FHIT: variants seen among roughly 807,000 people sequenced by gnomAD.
FHIT encodes the protein bis(5'-adenosyl)-triphosphatase.
Under a neutral mutation model 17.9 loss-of-function variants are expected in FHIT, and 19 were observed. The ratio of observed to expected loss-of-function variants is 1.06; its 90% CI spans 0.74 to 1.56. The LOEUF is 1.56. FHIT is among the 40% of genes most tolerant of loss of function. The pLI, the probability that FHIT is intolerant of heterozygous loss-of-function variation, is 0.00. For missense variants in FHIT, 248 were observed against 189.2 expected, an observed-to-expected ratio of 1.31 and a Z score of -1.82; for synonymous variants, 81 against 69.7, an observed-to-expected ratio of 1.16 and a Z score of -0.81.
At chr3:61,233,159 C>T (rs183104295) in intron 1 of FHIT, among the ~76,000 whole-genome samples, 20 of 152,200 alleles carry the variant, frequency 1.3e-4, no homozygotes, top group African/African-American at 4.6e-4. Flanking sequence ...TGGTATACAT[C>T]CAGGTCCTTA....
At chr3:60,963,777 T>C (rs145049805) in intron 3 of FHIT, among the ~76,000 whole-genome samples, 7,356 of 152,328 alleles carry the variant, frequency 0.048, 228 homozygotes, top group South Asian at 0.069. Flanking sequence ...CTTGTTTGAT[T>C]GCACTGTGGT....
chr3:60,779,430 C>A (rs1700310070), intron 4 of FHIT, among the ~76,000 whole-genome samples: 1 of 152,128 alleles, frequency 6.6e-6, no homozygotes, highest in Non-Finnish European at 1.5e-5. Context: ...AATTATCCTG[C>A]AAACCCTGCC....
intron 4 of FHIT, among the ~76,000 whole-genome samples, chr3:60,591,615 C>G (rs2038087098): frequency 6.6e-6 from 1 of 152,038 alleles, no homozygotes; most frequent in Admixed American, 6.6e-5. Flanking sequence ...ATTCATCAGG[C>G]CCTCCCCATG....
chr3:60,490,609 A>T (rs570936079), intron 5 of FHIT, among the ~76,000 whole-genome samples: 2 of 151,878 alleles, frequency 1.3e-5, no homozygotes, highest in African/African-American at 4.8e-5. Flanking sequence ...GATAAACTAT[A>T]TCCAAAGCAG....
chr3:60,277,302 G>GT (rs1707193058), intron 5 of FHIT, among the ~76,000 whole-genome samples: 2 of 152,066 alleles, frequency 1.3e-5, no homozygotes. Context: ...GGAGTCCTCC[G>GT]TAAGGTTTTC....
intron 8 of FHIT, among the ~76,000 whole-genome samples, chr3:59,791,863 C>T (rs952591287): frequency 3.3e-5 from 5 of 152,054 alleles, no homozygotes; most frequent in African/African-American, 7.3e-5. Flanking sequence ...AAAGTAGGGG[C>T]GCCAAGGTCA....
At chr3:59,994,770 G>A (rs956506522) in intron 7 of FHIT, among the ~76,000 whole-genome samples, 2 of 152,030 alleles carry the variant, frequency 1.3e-5, no homozygotes, top group African/African-American at 4.8e-5. Context: ...ATAAGACATG[G>A]CATTTCAGGT....
chr3:61,043,068 T>C (rs1224777263), intron 2 of FHIT, among the ~76,000 whole-genome samples: 1 of 152,138 alleles, frequency 6.6e-6, no homozygotes, highest in Non-Finnish European at 1.5e-5. Context: ...GATTTCTGCA[T>C]TTCCAACTGA....
intron 5 of FHIT, among the ~76,000 whole-genome samples, chr3:60,103,510 A>G (rs777899202): frequency 1.3e-5 from 2 of 152,164 alleles, no homozygotes; most frequent in Non-Finnish European, 2.9e-5. Context: ...TAGGGAAAAT[A>G]ATTTCTATGG....
intron 5 of FHIT, among the ~76,000 whole-genome samples, chr3:60,460,519 C>T (rs983896200): frequency 3.6e-4 from 55 of 151,888 alleles, no homozygotes; most frequent in South Asian, 4.2e-4. Flanking sequence ...TTCAACTAAA[C>T]GAATTTTTTA....
At chr3:60,198,323 C>A (rs1036285232) in intron 5 of FHIT, among the ~76,000 whole-genome samples, 2 of 152,088 alleles carry the variant, frequency 1.3e-5, no homozygotes, top group African/African-American at 4.8e-5. Context: ...ATTGTGAATT[C>A]CTAATACAAA....
chr3:60,079,780 G>A (rs961227049), intron 5 of FHIT, among the ~76,000 whole-genome samples: 5 of 151,978 alleles, frequency 3.3e-5, no homozygotes, highest in Admixed American at 1.3e-4. Flanking sequence ...ATAAACTTCA[G>A]TGCTTGCCAA....
At chr3:60,630,100 T>C (rs1283123224) in intron 4 of FHIT, among the ~76,000 whole-genome samples, 4 of 152,198 alleles carry the variant, frequency 2.6e-5, no homozygotes, top group African/African-American at 9.6e-5. Context: ...ACAGGAACCC[T>C]ACCTGACTCC....
At chr3:60,961,930 G>T (rs1709472729) in intron 3 of FHIT, among the ~76,000 whole-genome samples, 1 of 152,076 alleles carries the variant, frequency 6.6e-6, no homozygotes, top group African/African-American at 2.4e-5. Context: ...TTGCTTCCAT[G>T]TGAACTTTAA....
At chr3:61,237,823 A>G (rs2040269708) in intron 1 of FHIT, among the ~76,000 whole-genome samples, 1 of 152,244 alleles carries the variant, frequency 6.6e-6, no homozygotes, top group African/African-American at 2.4e-5. Flanking sequence ...AAGATGACAC[A>G]GCAAATGAGA....
intron 5 of FHIT, among the ~76,000 whole-genome samples, chr3:60,323,350 G>C (rs1709520505): frequency 6.6e-6 from 1 of 152,162 alleles, no homozygotes; most frequent in Non-Finnish European, 1.5e-5. Context: ...AAAAAAATGA[G>C]AATTTTAAAG....
At chr3:60,815,006 A>AT (rs1235858599) in intron 4 of FHIT, among the ~76,000 whole-genome samples, 2 of 149,972 alleles carry the variant, frequency 1.3e-5, no homozygotes, top group African/African-American at 4.9e-5. Flanking sequence ...GACAATGAGC[A>AT]TTTTTTCATG....
chr3:60,333,277 T>C (rs1017908403), intron 5 of FHIT, among the ~76,000 whole-genome samples: 2 of 152,220 alleles, frequency 1.3e-5, no homozygotes, highest in Admixed American at 1.3e-4. Flanking sequence ...GCTCTTGCTC[T>C]CCCATGAGTC....
intron 5 of FHIT, among the ~76,000 whole-genome samples, chr3:60,423,967 G>C (rs79541292): frequency 1.9e-3 from 283 of 152,082 alleles, no homozygotes; most frequent in African/African-American, 6.4e-3. Flanking sequence ...AATTTATGTT[G>C]TACTTCTTTC....
Sources: gnomAD v4.1 joint callset for allele counts (sites outside exome capture counted in the v4.1 genomes callset) on GRCh38, gnomAD v4.1.1 for gene constraint, MANE v1.5 for transcripts, NCBI Gene and HGNC (gene_info 2026-07-23, HGNC 2026-07-21) for gene names.